The following B4GALNT4 variants were observed in gnomAD, a reference collection of about 807,000 sequenced individuals.
B4GALNT4 encodes the protein beta-1,4-N-acetyl-galactosaminyltransferase 4.
In B4GALNT4, 77 loss-of-function variants were observed where a neutral mutation model predicts 110.0. The ratio of observed to expected loss-of-function variants is 0.70; its 90% CI spans 0.58 to 0.85. B4GALNT4 has a LOEUF of 0.85. B4GALNT4 is among the 40% of genes least tolerant of loss of function. The pLI is 0.00. For missense variants in B4GALNT4, 1,575 were observed against 1,506.0 expected, an observed-to-expected ratio of 1.05 and a Z score of -0.76; for synonymous variants, 785 against 655.5, an observed-to-expected ratio of 1.20 and a Z score of -3.02.
intron 1 of B4GALNT4, 106 bp downstream of exon 1, chr11:370,060 C>T (rs1846589353): frequency 7.2e-6 from 1 of 139,744 alleles, no homozygotes; most frequent in Admixed American, 7.5e-5. Context: ...GCGGGGGCCC[C>T]GGGGCGCGGG....
Position 369,729 on chromosome 11 carries a change from C to A in B4GALNT4, c.-75C>A. 2.6e-6 allele frequency: 2 copies of A among 760,120 alleles called. No homozygotes were observed. The highest frequency in any genetic ancestry group is 3.2e-6 in the Non-Finnish European group (2 of 629,098). The allele number at this position is 760,120 out of a possible 1,614,324, so 47.1% of individuals were successfully genotyped here. A position where few individuals can be genotyped will look rare whatever the true frequency, so the allele number is the denominator to read the frequency against. ...AGCGCGGCGGGGCGGGCCGGGGATGCGGCGCGGGGCGGGCGGGGGCCGGGG... is the reference window on the plus strand; with the variant it reads ...AGCGCGGCGGGGCGGGCCGGGGATGAGGCGCGGGGCGGGCGGGGGCCGGGG... On this transcript the variant is annotated 5_prime_UTR_variant, in exon 1 of 20. The change creates a premature stop within an existing upstream ORF in the 5' untranslated region. Transcript: ENST00000329962.
rs764656249 is a variant in B4GALNT4, at chr11:379,544, C to T, written c.2331C>T (p.Val777=). ...GCCGCCTGCGACTGTCCGAGTACGTCTTCCTGCGGCTGCCGGGAGCCCGCG... is the reference window on the plus strand; with the variant it reads ...GCCGCCTGCGACTGTCCGAGTACGTTTTCCTGCGGCTGCCGGGAGCCCGCG... ...GGGRLRLSEY[V]FLRLPGARVG... The change falls in exon 15 of 20, where the codon GTC becomes GTT. Residue 777 remains valine (V), a synonymous_variant. Transcript: ENST00000329962. The T allele has an allele frequency of 6.3e-7, 1 of 1,586,784 alleles. No individual in the cohort carries two copies. Among genetic ancestry groups the T allele is most frequent in the Admixed American group, 1.8e-5 (1 of 56,390 alleles).
chr11:373,541 C>A (rs367880649), intron 7 of B4GALNT4, 25 bp downstream of exon 7: 1 of 1,609,434 alleles, frequency 6.2e-7, no homozygotes, highest in African/African-American at 1.3e-5. Flanking sequence ...GGTGCATGTG[C>A]GTGCACTTGT....
In B4GALNT4 at chr11:372,957, G is replaced by A. The variant is rs762427222; in HGVS notation, c.444+10G>A. 1.3e-5 allele frequency: 21 copies of A among 1,612,290 alleles called. No individual in the cohort carries two copies. The highest frequency in any genetic ancestry group is 3.3e-5 in the Admixed American group (2 of 59,982). Reference sequence around the variant, plus strand: ...CCCGCTGTTCCCTCATGTGAGTGCCGGGGTTGGGGGGTGCCGGGTGGGCAG... The same window carrying A: ...CCCGCTGTTCCCTCATGTGAGTGCCAGGGTTGGGGGGTGCCGGGTGGGCAG... On this transcript the variant is annotated intron_variant, in intron 4 of 19. Transcript: ENST00000329962.
chr11:372,922 A>G lies in B4GALNT4; in HGVS notation c.419A>G (p.Asn140Ser). The change falls in exon 4 of 20, where the codon AAC (asparagine) becomes AGC (serine). Residue 140 changes from asparagine to serine, a missense_variant. Transcript: ENST00000329962. ...GGCGCCGTGGGCCACCTGAGGAGGA[A>G]CCTGCACTTCCCGCTGTTCCCTCAT... ...CGGAVGHLRR[N>S]LHFPLFPHTR... is the part of the protein sequence containing the mutation. 1 of 1,513,352 alleles carries G rather than the reference A, an allele frequency of 6.6e-7. No homozygotes were observed. Among genetic ancestry groups the G allele is most frequent in the East Asian group, 2.7e-5 (1 of 36,630 alleles). The allele number at this position is 1,513,352 out of a possible 1,614,324, so 93.7% of individuals were successfully genotyped here.
rs751130829 is a variant in B4GALNT4, at chr11:376,623, C to T, written c.1500C>T (p.Ala500=). 4 of 1,410,438 alleles carry T rather than the reference C, an allele frequency of 2.8e-6. No individual in the cohort carries two copies. Among genetic ancestry groups the T allele is most frequent in the Non-Finnish European group, 2.8e-6 (3 of 1,083,908 alleles). 87.4% of individuals were successfully genotyped at this position (1,410,438 alleles called of 1,614,324 possible). ...HSRALSWAAR[A]ARPLPLFLGR... is the part of the protein sequence containing the mutation. ...GGGCCCTGAGCTGGGCCGCCAGGGC[C>T]GCCCGCCCTTTGCCGCTCTTCTTGG... The change falls in exon 14 of 20, where the codon GCC becomes GCT. Residue 500 remains alanine, a synonymous_variant. Coordinates refer to ENST00000329962, the MANE Select transcript of B4GALNT4 (RefSeq NM_178537.5).
chr11:378,649 G>A (rs1315200829), intron 14 of B4GALNT4, among the ~76,000 whole-genome samples: 1 of 152,218 alleles, frequency 6.6e-6, no homozygotes, highest in South Asian at 2.1e-4. Flanking sequence ...CGACTGAAGA[G>A]AAACCATCGT....
Position 373,496 on chromosome 11 carries a change from C to A in B4GALNT4, c.684C>A (p.Ser228=). Residue 228 remains serine, a synonymous_variant, in exon 7 of 20, where the codon TCC becomes TCA. Coordinates refer to ENST00000329962, the MANE Select transcript of B4GALNT4 (RefSeq NM_178537.5). ...CTGGAGAATTCACCAAGTTCAGCTC[C>A]CAGGTGTCCAAGCCCAGGCGGTGAG... ...TAPGEFTKFS[S]QVSKPRRLMA... 6.2e-7 allele frequency: 1 copy of A among 1,611,514 alleles called. No homozygotes were observed. The highest frequency in any genetic ancestry group is 8.5e-7 in the Non-Finnish European group (1 of 1,179,658).
In B4GALNT4 at chr11:372,963, G is replaced by C; in HGVS notation, c.444+16G>C. 10 of 1,612,208 alleles carry C rather than the reference G, an allele frequency of 6.2e-6. No homozygotes were observed. The highest frequency in any genetic ancestry group is 8.5e-6 in the Non-Finnish European group (10 of 1,179,770). ...GTTCCCTCATGTGAGTGCCGGGGTT[G>C]GGGGGTGCCGGGTGGGCAGGGCACG... On this transcript the variant is annotated intron_variant, in intron 4 of 19. Coordinates refer to ENST00000329962, the MANE Select transcript of B4GALNT4 (RefSeq NM_178537.5).
At chr11:378,945 G>A (rs1164884168) in intron 14 of B4GALNT4, among the ~76,000 whole-genome samples, 1 of 152,164 alleles carries the variant, frequency 6.6e-6, no homozygotes, top group Admixed American at 6.5e-5. Flanking sequence ...CAGGACAAAG[G>A]AGAGGAGACA....
rs1291522819 is a variant in B4GALNT4, at chr11:376,583, C to A, written c.1460C>A (p.Thr487Asn). Residue 487 changes from threonine to asparagine, a missense_variant, in exon 14 of 20, where the codon ACC becomes AAC. By Grantham distance (65) the Thr-to-Asn change is moderately conservative (BLOSUM62 0). Coordinates refer to ENST00000329962, the MANE Select transcript of B4GALNT4 (RefSeq NM_178537.5). Reference protein sequence around the residue: ...PTPPRPRDGGTPRHSRALSWA... With the variant: ...PTPPRPRDGGNPRHSRALSWA... The stretch of plus-strand genomic sequence containing the variant: ...CCTCCCCGCCCCCGGGACGGGGGGA[C>A]CCCCAGGCACTCCCGGGCCCTGAGC... 38 of 1,355,000 alleles carry A rather than the reference C, an allele frequency of 2.8e-5. No homozygotes were observed. Among genetic ancestry groups the A allele is most frequent in the Non-Finnish European group, 3.3e-5 (35 of 1,062,162 alleles). 83.9% of individuals were successfully genotyped at this position (1,355,000 alleles called of 1,614,324 possible).
rs1207981670 is a variant in B4GALNT4 at position 375,447 on chromosome 11, T to C, written c.784-14T>C. The C allele has an allele frequency of 3.7e-6, 6 of 1,611,082 alleles. No individual in the cohort carries two copies. The highest frequency in any genetic ancestry group is 1.7e-5 in the Admixed American group (1 of 59,974). ...ACCGCCCTGTCCCTGACCCCCACCC[T>C]CTCTGCCCCGCAGTGGCGAGCTTTC... On this transcript the variant is annotated splice_polypyrimidine_tract_variant and intron_variant, in intron 8 of 19. Transcript: ENST00000329962.
rs752312316 is a variant in B4GALNT4, at chr11:379,843, C to G, written c.2489-23C>G. 17 of 1,573,944 alleles carry G rather than the reference C, an allele frequency of 1.1e-5. No individual in the cohort carries two copies. In the Admixed American group the frequency reaches 2.8e-4, roughly 26 times the overall value. The stretch of plus-strand genomic sequence containing the variant: ...CGTAGAGTCAGCGTCGGCTCAGCGC[C>G]CCCCCCGCCTTTTCTCCTCCAGTGA... On this transcript the variant is annotated intron_variant, in intron 15 of 19. Coordinates refer to ENST00000329962, the MANE Select transcript of B4GALNT4 (RefSeq NM_178537.5).
chr11:376,699 T>G lies in B4GALNT4; in HGVS notation c.1576T>G (p.Tyr526Asp). 1.4e-6 allele frequency: 2 copies of G among 1,420,634 alleles called. No homozygotes were observed. Among genetic ancestry groups the G allele is most frequent in the Non-Finnish European group, 1.8e-6 (2 of 1,092,976 alleles). 88.0% of individuals were successfully genotyped at this position (1,420,634 alleles called of 1,614,324 possible). The change falls in exon 14 of 20, where the codon TAC (tyrosine) becomes GAC (aspartate). Residue 526 changes from tyrosine to aspartate, a missense_variant. By Grantham distance (160) the Tyr-to-Asp change is radical. Coordinates refer to ENST00000329962, the MANE Select transcript of B4GALNT4 (RefSeq NM_178537.5). ...PAVEQPPPKVYVTRVRPGQRA... is the reference protein window; with the variant it reads ...PAVEQPPPKVDVTRVRPGQRA... The stretch of plus-strand genomic sequence containing the variant: ...AGTGGAGCAGCCGCCCCCAAAGGTG[T>G]ACGTGACCAGGGTGCGGCCGGGACA...
Position 376,884 on chromosome 11 carries a change from G to A in B4GALNT4, c.1761G>A (p.Pro587=). The change falls in exon 14 of 20, where the codon CCG becomes CCA. Residue 587 remains proline, a synonymous_variant. Transcript: ENST00000329962. The part of the protein sequence containing the change: ...RRTGGPQATQ[P]RPPARAQATQ... ...CCGGCGGCCCCCAGGCCACACAGCC[G>A]AGGCCCCCAGCCCGGGCGCAGGCCA... The A allele has an allele frequency of 1.5e-6, 2 of 1,350,144 alleles. No individual in the cohort carries two copies. The highest frequency in any genetic ancestry group is 1.9e-6 in the Non-Finnish European group (2 of 1,053,772). The allele number at this position is 1,350,144 out of a possible 1,614,324, so 83.6% of individuals were successfully genotyped here.
intron 19 of B4GALNT4, 85 bp downstream of exon 19, chr11:381,036 C>G (rs1390646291): frequency 6.6e-6 from 10 of 1,526,040 alleles, no homozygotes; most frequent in Non-Finnish European, 7.9e-6. Context: ...TTATGCCCCC[C>G]ACGGCGCCCA....
At chr11:373,403 A>AATGTTGGG in intron 6 of B4GALNT4, 46 bp from the exon 7 acceptor site, 1 of 1,259,488 alleles carries the variant, frequency 7.9e-7, no homozygotes, top group Non-Finnish European at 1.1e-6. Context: ...CCAGGGAGAG[A>AATGTTGGG]GTGAACCCCC....
Position 373,434 on chromosome 11 carries a change from T to A in B4GALNT4, c.637-15T>A. ...CCCCCCCCCCCACCACCACCCCTGC[T>A]CTATCACCCCCCAGACTGGCTCCGA... is the stretch of plus-strand genomic sequence containing the variant. On this transcript the variant is annotated splice_polypyrimidine_tract_variant and intron_variant, in intron 6 of 19. Transcript: ENST00000329962. 9 of 837,302 alleles carry A rather than the reference T, an allele frequency of 1.1e-5. No individual in the cohort carries two copies. Among genetic ancestry groups the A allele is most frequent in the Non-Finnish European group, 1.4e-5 (8 of 572,954 alleles). 51.9% of individuals were successfully genotyped at this position (837,302 alleles called of 1,614,324 possible).
Position 376,428 on chromosome 11 carries a change from GGAC to G in B4GALNT4, c.1311_1313del (p.Asp437del), listed in dbSNP as rs1228740179. 1 of 1,597,554 alleles carries G rather than the reference GGAC, an allele frequency of 6.3e-7. No individual in the cohort carries two copies. The highest frequency in any genetic ancestry group is 1.3e-5 in the African/African-American group (1 of 74,828). On this transcript the variant is annotated inframe_deletion, in exon 14 of 20. Coordinates refer to ENST00000329962, the MANE Select transcript of B4GALNT4 (RefSeq NM_178537.5). ...AACCCGCGTTTCCCGCAGACTTCCT[GGAC>G]GACGAGGACGAGGGGGAGCTGCTCG...
Sources: allele counts gnomAD v4.1 joint callset (sites outside exome capture counted in the v4.1 genomes callset), GRCh38; gene constraint gnomAD v4.1.1; transcripts MANE v1.5; gene names NCBI Gene and HGNC (gene_info 2026-07-23, HGNC 2026-07-21).